Variants in STAB2 observed in about 807,000 individuals in gnomAD.
The protein encoded by STAB2 is stabilin 2.
In STAB2, 288 loss-of-function variants were observed where a neutral mutation model predicts 338.1. The ratio of observed to expected loss-of-function variants is 0.85; its 90% confidence interval spans 0.77 to 0.94. STAB2 has a LOEUF of 0.94. Among genes scored for constraint, STAB2 ranks in the 40% least tolerant of loss-of-function variants. The pLI is 0.00. For synonymous variants in STAB2, 1,202 were observed against 1,193.3 expected, an observed-to-expected ratio of 1.01 and a Z score of -0.15; for missense variants, 3,141 against 3,210.1, an observed-to-expected ratio of 0.98 and a Z score of 0.52.
intron 26 of STAB2, among the ~76,000 whole-genome samples, chr12:103,684,345 C>T (rs1367446036): frequency 6.6e-6 from 1 of 152,152 alleles, no homozygotes; most frequent in Non-Finnish European, 1.5e-5. Context: ...ACATAGCTGC[C>T]AGGGCCCACC....
At chr12:103,715,072 T>G (rs1488964958) in intron 42 of STAB2, among the ~76,000 whole-genome samples, 4 of 152,240 alleles carry the variant, frequency 2.6e-5, no homozygotes, top group Non-Finnish European at 5.9e-5. Context: ...CTTATGACAT[T>G]AACACATGGG....
At chr12:103,691,193 A>G (rs1231884083) in intron 30 of STAB2, among the ~76,000 whole-genome samples, 1 of 152,224 alleles carries the variant, frequency 6.6e-6, no homozygotes, top group Non-Finnish European at 1.5e-5. Context: ...AGTGTTTCAG[A>G]GCTCTTCCTG....
rs778993122 is a variant in STAB2, at chr12:103,689,904, C to T, written c.3104C>T (p.Ser1035Phe). The T allele has an allele frequency of 3.7e-6, 6 of 1,614,160 alleles. No individual in the cohort carries two copies. In the Admixed American group the frequency reaches 1.0e-4, roughly 27 times the overall value. The change falls in exon 29 of 69, where the codon TCC becomes TTC. Residue 1035 changes from serine (S) to phenylalanine (F), a missense_variant. Transcript: ENST00000388887. ...TCAAACCTCACTGTCCTCGTGCCTT[C>T]CCAACAAGCTACTGAGGACATGGAC... ...ATSNLTVLVPSQQATEDMDQD... is the reference protein window; with the variant it reads ...ATSNLTVLVPFQQATEDMDQD...
Position 103,591,006 on chromosome 12 carries a change from G to T in STAB2, c.191G>T (p.Gly64Val), listed in dbSNP as rs779696032. 1.4e-5 allele frequency: 22 copies of T among 1,613,998 alleles called. No homozygotes were observed. Among genetic ancestry groups the T allele is most frequent in the Non-Finnish European group, 1.9e-5 (22 of 1,179,992 alleles). Reference sequence around the variant, plus strand: ...GATGGTTACACCATGATTACCAGTGGCTCTGTAGGGGTTCGAGATTGCAGG... The same window carrying T: ...GATGGTTACACCATGATTACCAGTGTCTCTGTAGGGGTTCGAGATTGCAGG... ...CPDGYTMITSGSVGVRDCRYT... is the reference protein window; with the variant it reads ...CPDGYTMITSVSVGVRDCRYT... The change falls in exon 2 of 69, where the codon GGC (glycine) becomes GTC (valine). Residue 64 changes from glycine (G) to valine (V), a missense_variant. Gly to Val is a moderately radical substitution (Grantham distance 109). Transcript: ENST00000388887.
intron 5 of STAB2, among the ~76,000 whole-genome samples, chr12:103,629,502 G>A (rs551905635): frequency 2.6e-5 from 4 of 152,272 alleles, no homozygotes; most frequent in Admixed American, 1.3e-4. Context: ...TAGTGGACAC[G>A]GAACAAAGAA....
chr12:103,702,588 C>G (rs937182998), intron 34 of STAB2, among the ~76,000 whole-genome samples: 5 of 152,240 alleles, frequency 3.3e-5, no homozygotes, highest in Admixed American at 3.3e-4. Context: ...CGTGAGCCAC[C>G]GCGCCCGGCC....
chr12:103,637,228 A>G lies in STAB2; in HGVS notation c.701A>G (p.Tyr234Cys), dbSNP rs754224004. ...CCCAATTACCGAGGCGATGGCAAAT[A>G]CTGCGACCGTGAGTAGAATTTAGAT... is the stretch of plus-strand genomic sequence containing the variant. The part of the protein sequence containing the change: ...CLPNYRGDGK[Y>C]CDPINPCLRK... Residue 234 changes from tyrosine (Y) to cysteine (C), a missense_variant, in exon 7 of 69, where the codon TAC becomes TGC. Transcript: ENST00000388887. 6.2e-7 allele frequency: 1 copy of G among 1,611,076 alleles called. No individual in the cohort carries two copies.
At chr12:103,717,930 C>G in intron 44 of STAB2, 89 bp downstream of exon 44, 2 of 1,359,886 alleles carry the variant, frequency 1.5e-6, no homozygotes, top group Non-Finnish European at 2.1e-6. Flanking sequence ...AGTTGAGGAA[C>G]TCTTCCTCTG....
At chr12:103,594,326 G>A (rs1379225967) in intron 2 of STAB2, 69 bp from the exon 3 acceptor site, 1 of 1,175,792 alleles carries the variant, frequency 8.5e-7, no homozygotes, top group Non-Finnish European at 1.3e-6. Context: ...GAAAGCTAAG[G>A]CAATTCTACC....
At chr12:103,666,109 C>G (rs1875070733) in intron 18 of STAB2, among the ~76,000 whole-genome samples, 182 bp from the exon 19 acceptor site, 1 of 152,224 alleles carries the variant, frequency 6.6e-6, no homozygotes, top group South Asian at 2.1e-4. Context: ...CCACCCCCAG[C>G]GCTGACTTCA....
At chr12:103,712,610 G>A (rs1879969566) in intron 41 of STAB2, among the ~76,000 whole-genome samples, 167 bp downstream of exon 41, 1 of 152,158 alleles carries the variant, frequency 6.6e-6, no homozygotes, top group Non-Finnish European at 1.5e-5. Flanking sequence ...GAAACCAACT[G>A]TTCACAGCCT....
intron 45 of STAB2, 51 bp from the exon 46 acceptor site, chr12:103,726,065 G>A (rs774783660): frequency 5.0e-6 from 8 of 1,604,988 alleles, no homozygotes; most frequent in Admixed American, 1.7e-5. Flanking sequence ...ACCCTGTATT[G>A]TTCTAATATA....
intron 5 of STAB2, among the ~76,000 whole-genome samples, chr12:103,630,960 G>A (rs921360772): frequency 1.3e-5 from 2 of 152,150 alleles, no homozygotes; most frequent in Non-Finnish European, 2.9e-5. Flanking sequence ...CTGCAGACAG[G>A]GCTGGCCATA....
rs892018832 is a variant in STAB2 at position 103,609,461 on chromosome 12, A to T, written c.332-11007A>T. Among the ~76,000 whole-genome samples, 478 of 152,268 alleles carry T rather than the reference A, an allele frequency of 3.1e-3. 1 individual carries two copies. Among genetic ancestry groups the T allele is most frequent in the Non-Finnish European group, 5.4e-3 (368 of 68,020 alleles). ...TCTCTTTGAAGCAATTGTGAATGGG[A>T]GTTCACTCATGATTTGGCTCTCTGT... On this transcript the variant is annotated intron_variant, in intron 3 of 68. Coordinates refer to ENST00000388887, the MANE Select transcript of STAB2 (RefSeq NM_017564.10).
chr12:103,621,098 C>T (rs927703410), intron 4 of STAB2, among the ~76,000 whole-genome samples: 1 of 151,516 alleles, frequency 6.6e-6, no homozygotes, highest in Non-Finnish European at 1.5e-5. Context: ...ACTCTGTCCA[C>T]CCCCACCCAA....
intron 3 of STAB2, among the ~76,000 whole-genome samples, chr12:103,619,045 C>T (rs1309068407): frequency 6.6e-6 from 1 of 152,184 alleles, no homozygotes; most frequent in Non-Finnish European, 1.5e-5. Flanking sequence ...TTGTCTTCTG[C>T]CATAATTTTG....
intron 4 of STAB2, among the ~76,000 whole-genome samples, chr12:103,621,320 T>TTTTTTTTTTTTTTTTTTTTGAGACGG (rs1565966251): frequency 1.7e-4 from 26 of 152,174 alleles, no homozygotes; most frequent in East Asian, 9.7e-4. Context: ...GATTTTCTTT[T>TTTTTTTTTTTTTTTTTTTTGAGACGG]ACCAGTTGAA....
chr12:103,650,297 A>T (rs557436741), intron 10 of STAB2, among the ~76,000 whole-genome samples, 199 bp from the exon 11 acceptor site: 82 of 152,158 alleles, frequency 5.4e-4, no homozygotes, highest in Non-Finnish European at 6.3e-4. Context: ...ATTATGTGGA[A>T]TGTATTGAGG....
intron 6 of STAB2, among the ~76,000 whole-genome samples, chr12:103,635,872 C>T (rs1320526580): frequency 6.6e-6 from 1 of 152,172 alleles, no homozygotes; most frequent in Non-Finnish European, 1.5e-5. Flanking sequence ...AGCAGATTTC[C>T]AGCAAATATT....
Sources: gnomAD v4.1 joint callset for allele counts (sites outside exome capture counted in the v4.1 genomes callset) on GRCh38, gnomAD v4.1.1 for gene constraint, MANE v1.5 for transcripts, NCBI Gene and HGNC (gene_info 2026-07-23, HGNC 2026-07-21) for gene names.